The following BTLA variants were observed in gnomAD, a reference collection of about 807,000 sequenced individuals.
BTLA encodes the protein B- and T-lymphocyte attenuator.
A neutral mutation model predicts 25.0 loss-of-function variants in BTLA; 11 were observed. That is an observed-to-expected ratio of 0.44 (90% confidence interval 0.28 to 0.73). The LOEUF (loss-of-function observed/expected upper bound fraction) is 0.73. Ranked by LOEUF, BTLA falls within the 30% of genes least tolerant of loss-of-function variation. BTLA has a pLI of 0.15. For synonymous variants in BTLA, 104 were observed against 119.8 expected (o/e 0.87, Z 0.86); for missense variants, 282 against 332.8 (o/e 0.85, Z 1.19).
chr3:112,466,097 C>A lies in BTLA; in HGVS notation c.*11G>T. 2 of 1,568,840 alleles carry A rather than the reference C, an allele frequency of 1.3e-6. No individual in the cohort carries two copies. Among genetic ancestry groups the A allele is most frequent in the South Asian group, 2.4e-5 (2 of 84,840 alleles). ...ATCATTCAATGGTCCCTGTTGGAGTCAGAAACAGACTTAACTCCTCACACA... is the reference window on the plus strand; with the variant it reads ...ATCATTCAATGGTCCCTGTTGGAGTAAGAAACAGACTTAACTCCTCACACA... On this transcript the variant is annotated 3_prime_UTR_variant, in exon 5 of 5. Coordinates refer to ENST00000334529, the MANE Select transcript of BTLA (RefSeq NM_181780.4).
In BTLA at chr3:112,471,278, A is replaced by T. The variant is rs753741102; in HGVS notation, c.481T>A (p.Leu161Met). ...GTGATGAGTAGAGGCAATCCCCCCAAAGGAAGTAAACGATACAGGAGCCAG... is the reference window on the plus strand; with the variant it reads ...GTGATGAGTAGAGGCAATCCCCCCATAGGAAGTAAACGATACAGGAGCCAG... ...RPWLLYRLLP[L>M]GGLPLLITTC... The change falls in exon 3 of 5, where the codon TTG becomes ATG. Residue 161 changes from leucine (L) to methionine (M), a missense_variant. Coordinates refer to ENST00000334529, the MANE Select transcript of BTLA (RefSeq NM_181780.4). 6.2e-7 allele frequency: 1 copy of T among 1,613,952 alleles called. No individual in the cohort carries two copies. Among genetic ancestry groups the T allele is most frequent in the African/African-American group, 1.3e-5 (1 of 74,920 alleles).
At chr3:112,471,436 A>G (rs1309633283) in intron 2 of BTLA, 81 bp from the exon 3 acceptor site, 1 of 1,438,166 alleles carries the variant, frequency 7.0e-7, no homozygotes, top group Non-Finnish European at 9.4e-7. Context: ...CATTGTCAGA[A>G]CTTGAGTGAA....
Position 112,495,437 on chromosome 3 carries a change from C to T in BTLA, c.88+3834G>A, listed in dbSNP as rs921974059. On this transcript the variant is annotated intron_variant, in intron 1 of 4. Transcript: ENST00000334529. The stretch of plus-strand genomic sequence containing the variant: ...AATGAGGCAAGATAAATAGTTTTGA[C>T]GTCAACTTTACAATAGAGGAAACTT... 1.1e-4 allele frequency among the ~76,000 whole-genome samples: 17 copies of T among 152,252 alleles called. No homozygotes were observed. The South Asian group carries it at 2.5e-3, about 22-fold the overall frequency.
intron 1 of BTLA, among the ~76,000 whole-genome samples, chr3:112,497,118 TA>T (rs1473248429): frequency 1.3e-5 from 2 of 152,246 alleles, no homozygotes. Context: ...TTTTTAACTT[TA>T]AAAACTCAAC....
At chr3:112,483,865 G>A (rs1345954875) in intron 1 of BTLA, among the ~76,000 whole-genome samples, 1 of 152,046 alleles carries the variant, frequency 6.6e-6, no homozygotes, top group African/African-American at 2.4e-5. Context: ...CTACTCAAGA[G>A]GCTGAGGCAG....
chr3:112,494,803 G>A (rs1458077943), intron 1 of BTLA, among the ~76,000 whole-genome samples: 1 of 152,116 alleles, frequency 6.6e-6, no homozygotes, highest in Non-Finnish European at 1.5e-5. Context: ...AATAGGTTAA[G>A]CAAACCATCA....
chr3:112,483,842 C>T (rs1434187756), intron 1 of BTLA, among the ~76,000 whole-genome samples: 4 of 152,006 alleles, frequency 2.6e-5, no homozygotes, highest in African/African-American at 9.7e-5. Flanking sequence ...GTGGTGCGTG[C>T]CTGTAATCCC....
chr3:112,475,402 C>T (rs2082283871), intron 2 of BTLA, among the ~76,000 whole-genome samples: 2 of 152,202 alleles, frequency 1.3e-5, no homozygotes. Flanking sequence ...CCCCCCAAGG[C>T]ACAGGATTTA....
At chr3:112,472,666 C>T (rs1576678895) in intron 2 of BTLA, among the ~76,000 whole-genome samples, 1 of 151,844 alleles carries the variant, frequency 6.6e-6, no homozygotes, top group Admixed American at 6.6e-5. Context: ...TGCACTCAGC[C>T]TGGGTGACAG....
rs55894234 is a variant in BTLA at position 112,490,604 on chromosome 3, A to AACACACACACACAC, written c.88+8653_88+8666dup. Among the ~76,000 whole-genome samples, 47 of 142,342 alleles carry AACACACACACACAC rather than the reference A, an allele frequency of 3.3e-4. 1 individual carries two copies. The highest frequency in any genetic ancestry group is 1.2e-3 in the African/African-American group (45 of 38,954). 93.4% of individuals were successfully genotyped at this position (142,342 alleles called of 152,430 possible). ...AGAAGAGCCATTTTCTCCCTGGGTA[A>AACACACACACACAC]ACACACACACACACACACACACACA... On this transcript the variant is annotated intron_variant, in intron 1 of 4. Transcript: ENST00000334529.
intron 1 of BTLA, among the ~76,000 whole-genome samples, chr3:112,497,754 A>G (rs945408329): frequency 2.0e-5 from 3 of 152,206 alleles, no homozygotes; most frequent in Non-Finnish European, 4.4e-5. Context: ...TCATAGAGAC[A>G]TATTCCAAAC....
chr3:112,482,043 T>G (rs1171912466), intron 1 of BTLA, among the ~76,000 whole-genome samples: 1 of 152,258 alleles, frequency 6.6e-6, no homozygotes, highest in African/African-American at 2.4e-5. Flanking sequence ...TTCCAATGGC[T>G]TGTTTCTCAT....
chr3:112,482,441 A>G (rs901063823), intron 1 of BTLA, among the ~76,000 whole-genome samples: 1 of 152,002 alleles, frequency 6.6e-6, no homozygotes, highest in East Asian at 1.9e-4. Context: ...TTTCTCATAC[A>G]TGTCTATCCA....
chr3:112,494,509 G>C (rs1298912037), intron 1 of BTLA, among the ~76,000 whole-genome samples: 2 of 152,106 alleles, frequency 1.3e-5, no homozygotes, highest in South Asian at 2.1e-4. Context: ...CAACCCAAAT[G>C]CCCATCAATG....
intron 1 of BTLA, among the ~76,000 whole-genome samples, chr3:112,498,048 G>A (rs1298026799): frequency 6.6e-6 from 1 of 152,010 alleles, no homozygotes; most frequent in Non-Finnish European, 1.5e-5. Flanking sequence ...ACAGGTTGAT[G>A]GCAAGAAAAG....
In BTLA at chr3:112,466,400, G is replaced by A. The variant is rs776601888; in HGVS notation, c.595-17C>T. The stretch of plus-strand genomic sequence containing the variant: ...AGCATCAACCTACAATAGAAAAAAA[G>A]ATGGTTTTAAGTGACACTTACGGCC... On this transcript the variant is annotated splice_polypyrimidine_tract_variant and intron_variant, in intron 4 of 4. Transcript: ENST00000334529. 2 of 1,547,254 alleles carry A rather than the reference G, an allele frequency of 1.3e-6. No individual in the cohort carries two copies. The highest frequency in any genetic ancestry group is 2.5e-5 in the South Asian group (2 of 80,020).
At chr3:112,474,503 GA>G (rs35696747) in intron 2 of BTLA, among the ~76,000 whole-genome samples, 3,429 of 126,802 alleles carry the variant, frequency 0.027, 98 homozygotes, top group East Asian at 0.088. Context: ...GAAGTTAAAA[GA>G]AAAAAAAAAA....
At chr3:112,499,218 C>T in intron 1 of BTLA, 53 bp downstream of exon 1, 4 of 1,315,934 alleles carry the variant, frequency 3.0e-6, no homozygotes, top group Non-Finnish European at 4.4e-6. Flanking sequence ...AGAATGTTGC[C>T]TCCAAGACCC....
chr3:112,499,575 G>C (rs549469691), upstream of BTLA: 156 of 460,766 alleles, frequency 3.4e-4, no homozygotes, highest in Non-Finnish European at 5.3e-4. Flanking sequence ...GTGGTACTCT[G>C]TTCTGTGGTT....
Sources: allele counts gnomAD v4.1 joint callset (sites outside exome capture counted in the v4.1 genomes callset), GRCh38; gene constraint gnomAD v4.1.1; transcripts MANE v1.5; gene names NCBI Gene and HGNC (gene_info 2026-07-23, HGNC 2026-07-21).